The following GALNT11 variants were observed in gnomAD, a reference collection of about 807,000 sequenced individuals.
GALNT11 encodes polypeptide N-acetylgalactosaminyltransferase 11.
Under a neutral mutation model 72.7 loss-of-function variants are expected in GALNT11, and 47 were observed. The observed-to-expected ratio is 0.65, with a 90% CI of 0.51 to 0.82. GALNT11 has a LOEUF of 0.82. Ranked by LOEUF, GALNT11 falls within the 40% of genes least tolerant of loss-of-function variation. The probability of loss-of-function intolerance (pLI) is 0.00; values close to 1 mark genes in which losing one functional copy is unlikely to be tolerated. For synonymous variants in GALNT11, 270 were observed against 286.6 expected (o/e 0.94, Z 0.58); for missense variants, 677 against 778.4 (o/e 0.87, Z 1.55).
At chr7:152,093,991 A>G (rs1160680454) in intron 1 of GALNT11, 199 bp from the exon 2 acceptor site, 1 of 414,964 alleles carries the variant, frequency 2.4e-6, no homozygotes. Context: ...TTCTCTGAGC[A>G]TTAACCCACA....
intron 1 of GALNT11, among the ~76,000 whole-genome samples, chr7:152,037,855 A>C (rs2082655401): frequency 1.3e-5 from 2 of 151,272 alleles, no homozygotes; most frequent in African/African-American, 4.9e-5. Context: ...TGCAACCTCC[A>C]CCTCCTGGGT....
chr7:152,096,504 G>T (rs1226230316), intron 2 of GALNT11, among the ~76,000 whole-genome samples: 1 of 152,028 alleles, frequency 6.6e-6, no homozygotes, highest in African/African-American at 2.4e-5. Context: ...ATCACCTGAG[G>T]TCAGGAATTT....
intron 2 of GALNT11, among the ~76,000 whole-genome samples, chr7:152,099,578 G>A (rs529214188): frequency 5.2e-4 from 69 of 131,782 alleles, no homozygotes; most frequent in Non-Finnish European, 9.5e-4. Flanking sequence ...AGTAGAGATG[G>A]GGTTTCACCG....
At chr7:152,073,607 G>A (rs890224239) in intron 1 of GALNT11, among the ~76,000 whole-genome samples, 1 of 152,174 alleles carries the variant, frequency 6.6e-6, no homozygotes, top group African/African-American at 2.4e-5. Context: ...TTAACATGGG[G>A]ATGTAGATGT....
At chr7:152,050,309 G>A (rs566200318) in intron 1 of GALNT11, among the ~76,000 whole-genome samples, 4 of 152,156 alleles carry the variant, frequency 2.6e-5, no homozygotes, top group East Asian at 3.9e-4. Context: ...GGGCCCAAGC[G>A]CTCTTTATTC....
Position 152,118,726 on chromosome 7 carries a change from A to G in GALNT11, c.1501A>G (p.Ser501Gly), listed in dbSNP as rs779511641. ...ATGCCTGGTGGCCCAGGGCCGCCCA[A>G]GTCAGAAGGGAGGTCTCGTGGTGCT... ...NKCLVAQGRPSQKGGLVVLKA... is the reference protein window; with the variant it reads ...NKCLVAQGRPGQKGGLVVLKA... Residue 501 changes from serine (S) to glycine (G), a missense_variant, in exon 10 of 12, where the codon AGT becomes GGT. By Grantham distance (56) the Ser-to-Gly change is moderately conservative. Transcript: ENST00000430044. The G allele has an allele frequency of 1.2e-5, 20 of 1,611,976 alleles. No individual in the cohort carries two copies. Among genetic ancestry groups the G allele is most frequent in the South Asian group, 1.1e-5 (1 of 90,756 alleles).
chr7:152,052,044 T>G (rs776245431), intron 1 of GALNT11, among the ~76,000 whole-genome samples: 40 of 152,340 alleles, frequency 2.6e-4, no homozygotes, highest in Non-Finnish European at 5.3e-4. Context: ...ATTCCCCATT[T>G]TCCCAGCCCC....
At position 152,066,023 on chromosome 7, in the gene GALNT11, C is replaced by T. The variant is rs199534806; in HGVS notation, c.-38-28167C>T. Among the ~76,000 whole-genome samples, 10 of 152,354 alleles carry T rather than the reference C, an allele frequency of 6.6e-5. No homozygotes were observed. In the East Asian group the frequency reaches 9.7e-4, roughly 15 times the overall value. ...GTTTCTGCTGCCTTTTGTTTGGCTACGCCCTGCCCCCAGAGGTGGAGTCTA... is the reference window on the plus strand; with the variant it reads ...GTTTCTGCTGCCTTTTGTTTGGCTATGCCCTGCCCCCAGAGGTGGAGTCTA... On this transcript the variant is annotated intron_variant, in intron 1 of 11. Coordinates refer to ENST00000430044, the MANE Select transcript of GALNT11 (RefSeq NM_022087.4).
Position 152,094,465 on chromosome 7 carries a change from A to T in GALNT11, c.238A>T (p.Ile80Leu). 1 of 1,614,118 alleles carries T rather than the reference A, an allele frequency of 6.2e-7. No individual in the cohort carries two copies. ...CAAAGCAAACAAAATTGACGATGTG[A>T]TAGACAGTCGTGTTGAAGATCCAGA... The part of the protein sequence containing the change: ...QFKANKIDDV[I>L]DSRVEDPEEG... The change falls in exon 2 of 12, where the codon ATA (isoleucine) becomes TTA (leucine). Residue 80 changes from isoleucine to leucine, a missense_variant. Physicochemically the swap from Ile to Leu is conservative, Grantham distance 5. Coordinates refer to ENST00000430044, the MANE Select transcript of GALNT11 (RefSeq NM_022087.4). This position sits in a 1 kb window ranked among gnomAD's most constrained non-coding sequence, Gnocchi z 4.3.
rs2087780050 is a variant in GALNT11 at position 152,108,042 on chromosome 7, A to G, written c.717A>G (p.Glu239=). The change falls in exon 6 of 12, where the codon GAA becomes GAG. Residue 239 remains glutamate, a synonymous_variant. Transcript: ENST00000430044. ...CCTCTGTTGTTTCCTCCCCAGGAGA[A>G]GTCCTTGTGTTCCTGGACAGCCACT... ...RMIGAAHATG[E]VLVFLDSHCE... 6.2e-7 allele frequency: 1 copy of G among 1,606,826 alleles called. No individual in the cohort carries two copies. Among genetic ancestry groups the G allele is most frequent in the Non-Finnish European group, 8.5e-7 (1 of 1,174,178 alleles).
chr7:152,063,805 G>T (rs1032390529), intron 1 of GALNT11, among the ~76,000 whole-genome samples: 1 of 152,204 alleles, frequency 6.6e-6, no homozygotes. Context: ...GTTCTAGTTT[G>T]ATTGCACTGT....
chr7:152,080,838 C>T (rs532175434), intron 1 of GALNT11, among the ~76,000 whole-genome samples: 12 of 151,428 alleles, frequency 7.9e-5, no homozygotes, highest in South Asian at 4.2e-4. Context: ...GGCCTGGTGG[C>T]GGGCCCCTGT....
intron 5 of GALNT11, 94 bp from the exon 6 acceptor site, chr7:152,107,944 C>T: frequency 6.9e-7 from 1 of 1,443,050 alleles, no homozygotes; most frequent in Admixed American, 1.9e-5. Context: ...AGTCGTGTTT[C>T]ATGCTGTGTC....
intron 1 of GALNT11, among the ~76,000 whole-genome samples, chr7:152,079,011 A>G (rs1449223917): frequency 6.6e-6 from 1 of 152,242 alleles, no homozygotes; most frequent in Admixed American, 6.5e-5. Flanking sequence ...ACTGGGAAGA[A>G]TGACTCTCAC....
chr7:152,041,834 G>C (rs34193735), intron 1 of GALNT11, among the ~76,000 whole-genome samples: 11 of 152,154 alleles, frequency 7.2e-5, no homozygotes, highest in Non-Finnish European at 1.6e-4. Context: ...TGATCCCTAC[G>C]TATGGCTACT....
At chr7:152,103,057 C>G (rs1272319221) in intron 3 of GALNT11, 55 bp from the exon 4 acceptor site, 1 of 1,501,902 alleles carries the variant, frequency 6.7e-7, no homozygotes, top group Non-Finnish European at 9.1e-7. Context: ...GAATAATAAT[C>G]TAAACCATTC....
chr7:152,034,804 A>G (rs537197365), intron 1 of GALNT11, among the ~76,000 whole-genome samples: 1 of 152,084 alleles, frequency 6.6e-6, no homozygotes. Context: ...CACAAGGAGG[A>G]CCGAGGAAGG....
intron 1 of GALNT11, among the ~76,000 whole-genome samples, chr7:152,047,512 A>G (rs1356653920): frequency 6.6e-6 from 1 of 152,064 alleles, no homozygotes; most frequent in Non-Finnish European, 1.5e-5. Context: ...CTTGGGCAAC[A>G]TGGTGAAACC....
intron 1 of GALNT11, among the ~76,000 whole-genome samples, chr7:152,046,420 G>A (rs530535562): frequency 1.3e-5 from 2 of 152,106 alleles, no homozygotes; most frequent in Non-Finnish European, 2.9e-5. Context: ...TTCAGTTATT[G>A]TATTGGGATC....
Sources: allele counts gnomAD v4.1 joint callset (sites outside exome capture counted in the v4.1 genomes callset), GRCh38; gene constraint gnomAD v4.1.1; non-coding constraint Gnocchi (gnomAD v3.1); transcripts MANE v1.5; gene names NCBI Gene and HGNC (gene_info 2026-07-23, HGNC 2026-07-21).